The following DNAH6 variants were observed in gnomAD, a reference collection of about 807,000 sequenced individuals.
DNAH6 encodes the protein dynein axonemal heavy chain 6, also known as axonemal beta dynein heavy chain 6.
A neutral mutation model predicts 491.4 loss-of-function variants in DNAH6; 340 were observed. The ratio of observed to expected loss-of-function variants is 0.69; its 90% CI spans 0.63 to 0.76. The LOEUF is 0.76. Ranked by LOEUF, DNAH6 falls within the 30% of genes least tolerant of loss-of-function variation. DNAH6 has a pLI of 0.00. For missense variants in DNAH6, 4,443 were observed against 4,972.2 expected (o/e 0.89, Z 3.20); for synonymous variants, 1,603 against 1,686.1 (o/e 0.95, Z 1.21).
intron 57 of DNAH6, 127 bp downstream of exon 57, chr2:84,713,386 C>G (rs2104885952): frequency 1.2e-6 from 1 of 846,396 alleles, no homozygotes; most frequent in East Asian, 2.7e-5. Context: ...CCTATACACT[C>G]CCCTTTCTTC....
At chr2:84,551,885 C>A (rs780252379) in intron 9 of DNAH6, among the ~76,000 whole-genome samples, 1 of 151,738 alleles carries the variant, frequency 6.6e-6, no homozygotes, top group Non-Finnish European at 1.5e-5. Context: ...CCATCTCTAC[C>A]AAAAATACAA....
intron 33 of DNAH6, among the ~76,000 whole-genome samples, chr2:84,649,044 C>A (rs1690162807): frequency 6.6e-6 from 1 of 152,204 alleles, no homozygotes; most frequent in African/African-American, 2.4e-5. Context: ...TGAGGTAAGA[C>A]CCTCTGCCAG....
intron 26 of DNAH6, 66 bp downstream of exon 26, chr2:84,621,617 C>A: frequency 1.1e-6 from 1 of 900,342 alleles, no homozygotes; most frequent in Non-Finnish European, 1.7e-6. Context: ...TTTTTTAAAG[C>A]ACAGTTAATG....
intron 59 of DNAH6, among the ~76,000 whole-genome samples, chr2:84,720,959 G>T (rs1349119189): frequency 1.3e-5 from 2 of 152,034 alleles, no homozygotes; most frequent in Non-Finnish European, 2.9e-5. Flanking sequence ...TGTGTTTCCT[G>T]CCACTTCTTG....
chr2:84,627,747 T>C (rs1456549426), intron 29 of DNAH6, among the ~76,000 whole-genome samples: 1 of 152,186 alleles, frequency 6.6e-6, no homozygotes, highest in African/African-American at 2.4e-5. Context: ...TTGCTTATCA[T>C]TATGTCTCTG....
intron 63 of DNAH6, among the ~76,000 whole-genome samples, chr2:84,757,732 A>C (rs1436941834): frequency 6.6e-6 from 1 of 152,236 alleles, no homozygotes; most frequent in Non-Finnish European, 1.5e-5. Flanking sequence ...CCATTTAGCA[A>C]TGATTGTGAG....
At chr2:84,715,929 C>T (rs1191684652) in intron 58 of DNAH6, among the ~76,000 whole-genome samples, 1 of 152,052 alleles carries the variant, frequency 6.6e-6, no homozygotes, top group Non-Finnish European at 1.5e-5. Context: ...GATTTCCATC[C>T]TGAGCAAGTG....
At chr2:84,526,703 C>T (rs921726252) in intron 3 of DNAH6, among the ~76,000 whole-genome samples, 1 of 151,956 alleles carries the variant, frequency 6.6e-6, no homozygotes, top group African/African-American at 2.4e-5. Context: ...TGGGTGAGAT[C>T]ATCCTGAAAG....
intron 15 of DNAH6, among the ~76,000 whole-genome samples, chr2:84,587,920 T>G (rs1352455340): frequency 6.6e-6 from 1 of 152,136 alleles, no homozygotes; most frequent in Non-Finnish European, 1.5e-5. Flanking sequence ...TAACTAAGGG[T>G]CTTTCCTGGT....
intron 49 of DNAH6, among the ~76,000 whole-genome samples, chr2:84,702,699 C>G (rs10178793): frequency 1.3e-5 from 2 of 151,890 alleles, no homozygotes; most frequent in South Asian, 4.2e-4. Context: ...ACCGCCACCA[C>G]GCCCGACTAA....
chr2:84,785,667 A>G lies in DNAH6; in HGVS notation c.11011A>G (p.Met3671Val), dbSNP rs1265895433. 5 of 1,549,030 alleles carry G rather than the reference A, an allele frequency of 3.2e-6. No individual in the cohort carries two copies. The highest frequency in any genetic ancestry group is 2.0e-5 in the Admixed American group (1 of 50,398). Residue 3671 changes from methionine (M) to valine (V), a missense_variant, in exon 67 of 77, where the codon ATG becomes GTG. Physicochemically the swap from Met to Val is conservative, Grantham distance 21. This residue lies in a region of DNAH6 where 1,463 missense variants were observed against 1,656.6 expected (regional missense o/e 0.88). Coordinates refer to ENST00000389394, the MANE Select transcript of DNAH6 (RefSeq NM_001370.2). ...RANIRRAFTE[M>V]TPSFFEENIL... is the part of the protein sequence containing the mutation. ...AAATATCAGACGAGCATTTACTGAA[A>G]TGACACCTTCGTTTTTTGAAGAAAA...
At chr2:84,473,421 T>C in the DNAH6 span, among the ~76,000 whole-genome samples, 1 of 152,240 alleles carries the variant, frequency 6.6e-6, no homozygotes, top group Non-Finnish European at 1.5e-5. Flanking sequence ...ATCATCCTGT[T>C]GAACTATAAC....
intron 64 of DNAH6, among the ~76,000 whole-genome samples, chr2:84,764,503 A>G (rs1674886351): frequency 6.6e-6 from 1 of 152,174 alleles, no homozygotes; most frequent in Admixed American, 6.5e-5. Flanking sequence ...TTCATACTGC[A>G]AGGGGAGTAA....
At position 84,819,461 on chromosome 2, in the gene DNAH6, G is replaced by A. The variant is rs148570622; in HGVS notation, c.*53G>A. On this transcript the variant is annotated 3_prime_UTR_variant, in exon 77 of 77. Coordinates refer to ENST00000389394, the MANE Select transcript of DNAH6 (RefSeq NM_001370.2). ...AACCAGGCCAGAGATCTTTCCTAAT[G>A]GGAGCAAAAGGTTTGAATAATTTAT... 104 of 1,169,408 alleles carry A rather than the reference G, an allele frequency of 8.9e-5. No individual in the cohort carries two copies. The African/African-American group carries it at 1.5e-3, about 17-fold the overall frequency. The allele number at this position is 1,169,408 out of a possible 1,614,324, so 72.4% of individuals were successfully genotyped here. A position where few individuals can be genotyped will look rare whatever the true frequency, so the allele number is the denominator to read the frequency against.
intron 10 of DNAH6, among the ~76,000 whole-genome samples, chr2:84,554,287 A>G (rs995261640): frequency 6.6e-6 from 1 of 152,194 alleles, no homozygotes; most frequent in African/African-American, 2.4e-5. Flanking sequence ...CCTTTGCTGC[A>G]TCACGTAACC....
At chr2:84,731,621 C>A (rs1312335143) in intron 61 of DNAH6, among the ~76,000 whole-genome samples, 2 of 152,192 alleles carry the variant, frequency 1.3e-5, no homozygotes, top group African/African-American at 4.8e-5. Context: ...TCCTTATCTC[C>A]TCACAGAGTA....
In DNAH6 at chr2:84,579,691, A is replaced by C. The variant is rs746417108; in HGVS notation, c.2229+12A>C. 6.4e-7 allele frequency: 1 copy of C among 1,561,100 alleles called. No individual in the cohort carries two copies. Among genetic ancestry groups the C allele is most frequent in the South Asian group, 1.2e-5 (1 of 81,512 alleles). ...AAATTCAGGAACGGGTGAGTTGATT[A>C]TCTCATATAACTCAATATTCCAGAT... On this transcript the variant is annotated intron_variant, in intron 14 of 76. Transcript: ENST00000389394.
intron 57 of DNAH6, among the ~76,000 whole-genome samples, chr2:84,713,870 T>C (rs1697280868): frequency 6.6e-6 from 1 of 152,150 alleles, no homozygotes; most frequent in Non-Finnish European, 1.5e-5. Context: ...GGGTATCTTG[T>C]CCCCTTCTCA....
chr2:84,495,320 G>A, the DNAH6 span, among the ~76,000 whole-genome samples: 1 of 152,254 alleles, frequency 6.6e-6, no homozygotes, highest in South Asian at 2.1e-4. Flanking sequence ...GCACCACCAT[G>A]CCCTGCTAAT....
Sources: gnomAD v4.1 joint callset for allele counts (sites outside exome capture counted in the v4.1 genomes callset) on GRCh38, gnomAD v4.1.1 for gene constraint, gnomAD v4.1.1 regional missense constraint, MANE v1.5 for transcripts, NCBI Gene and HGNC (gene_info 2026-07-23, HGNC 2026-07-21) for gene names.